The following CEP63 variants were observed in gnomAD, a reference collection of about 807,000 sequenced individuals.
CEP63 encodes centrosomal protein of 63 kDa.
In CEP63, 84 loss-of-function variants were observed where a neutral mutation model predicts 89.1. The ratio of observed to expected loss-of-function variants is 0.94; its 90% CI spans 0.79 to 1.13. The LOEUF (loss-of-function observed/expected upper bound fraction) is 1.13, where lower values mean the gene tolerates loss of function less well. CEP63 is among the 50% of genes most tolerant of loss of function. The pLI is 0.00. For missense variants in CEP63, 838 were observed against 813.3 expected, an observed-to-expected ratio of 1.03 and a Z score of -0.37; for synonymous variants, 267 against 272.5, an observed-to-expected ratio of 0.98 and a Z score of 0.20.
chr3:134,508,760 A>G (rs909649040), intron 3 of CEP63, among the ~76,000 whole-genome samples: 1 of 152,206 alleles, frequency 6.6e-6, no homozygotes, highest in Non-Finnish European at 1.5e-5. Context: ...GATAGATTCC[A>G]TGGTAAGGAT....
At chr3:134,729,980 G>A in the CEP63 span, among the ~76,000 whole-genome samples, 4 of 152,150 alleles carry the variant, frequency 2.6e-5, no homozygotes, top group East Asian at 7.7e-4. Context: ...GGAATGATGA[G>A]CTGGGTGTCT....
intron 3 of CEP63, chr3:134,511,481 A>G (rs181645253): frequency 6.5e-6 from 1 of 152,808 alleles, no homozygotes; most frequent in East Asian, 1.9e-4. Context: ...TTTGAGCAGT[A>G]TATGAAATAA....
chr3:134,765,108 G>A, the CEP63 span, among the ~76,000 whole-genome samples: 82 of 152,240 alleles, frequency 5.4e-4, 1 homozygote, highest in South Asian at 0.015. Flanking sequence ...CTGATAATTT[G>A]CATTCCTAAG....
chr3:134,569,040 A>C (rs992991024), downstream of CEP63, among the ~76,000 whole-genome samples: 2 of 152,158 alleles, frequency 1.3e-5, no homozygotes, highest in African/African-American at 4.8e-5. Flanking sequence ...AAACCATCAG[A>C]TCTTGCGAGA....
Position 134,486,136 on chromosome 3 carries a change from A to C in CEP63, c.-92A>C. 2.0e-6 allele frequency: 2 copies of C among 985,622 alleles called. No homozygotes were observed. Among genetic ancestry groups the C allele is most frequent in the South Asian group, 4.7e-5 (1 of 21,296 alleles). The allele number at this position is 985,622 out of a possible 1,614,324, so 61.1% of individuals were successfully genotyped here. Reference sequence around the variant, plus strand: ...AAAGTGTGGGGGCAGTGGGCGGAACAAACGCGCCGACTACAGAGGCTGGAC... The same window carrying C: ...AAAGTGTGGGGGCAGTGGGCGGAACCAACGCGCCGACTACAGAGGCTGGAC... On this transcript the variant is annotated 5_prime_UTR_variant, in exon 1 of 15. Coordinates refer to ENST00000675561, the MANE Select transcript of CEP63 (RefSeq NM_001353108.3).
In CEP63 at chr3:134,558,141, G is replaced by A; in HGVS notation, c.1468-1G>A. On this transcript the variant is annotated splice_acceptor_variant, in intron 12 of 14. Coordinates refer to ENST00000675561, the MANE Select transcript of CEP63 (RefSeq NM_001353108.3). LOFTEE classifies it high-confidence loss of function. Reference sequence around the variant, plus strand: ...GTGACTCTAGTATTCTTTTTTATTAGGCAAAAGAGATTTCACTAGCAGACC... The same window carrying A: ...GTGACTCTAGTATTCTTTTTTATTAAGCAAAAGAGATTTCACTAGCAGACC... The A allele has an allele frequency of 1.2e-6, 2 of 1,609,252 alleles. No homozygotes were observed. The highest frequency in any genetic ancestry group is 1.7e-6 in the Non-Finnish European group (2 of 1,175,970).
the CEP63 span, among the ~76,000 whole-genome samples, chr3:134,633,379 A>T: frequency 1.3e-3 from 197 of 152,218 alleles, 1 homozygote; most frequent in African/African-American, 4.4e-3. Flanking sequence ...TAAATCCAAC[A>T]ATATAGTAAA....
At chr3:134,707,607 G>A in the CEP63 span, among the ~76,000 whole-genome samples, 1 of 152,150 alleles carries the variant, frequency 6.6e-6, no homozygotes, top group Admixed American at 6.5e-5. Context: ...AGTAGAGTTT[G>A]CAACAGCTGT....
chr3:134,502,283 G>GT (rs148620051), intron 2 of CEP63, among the ~76,000 whole-genome samples: 31,963 of 151,092 alleles, frequency 0.21, 3,785 homozygotes, highest in African/African-American at 0.32. Context: ...TTGGTCTGTA[G>GT]TTTTTTTTTG....
chr3:134,731,628 A>G, the CEP63 span, among the ~76,000 whole-genome samples: 1 of 152,138 alleles, frequency 6.6e-6, no homozygotes, highest in African/African-American at 2.4e-5. Context: ...CTCATCTCCA[A>G]AATCAGTGAT....
intron 1 of CEP63, chr3:134,486,477 C>G (rs867285281): frequency 3.0e-6 from 3 of 985,634 alleles, no homozygotes; most frequent in African/African-American, 1.7e-5. Flanking sequence ...TGGCGCAGCC[C>G]GGCGTGGGGT....
intron 4 of CEP63, among the ~76,000 whole-genome samples, chr3:134,532,222 C>T (rs919445408): frequency 2.0e-5 from 3 of 152,006 alleles, no homozygotes; most frequent in Non-Finnish European, 4.4e-5. Flanking sequence ...ATACTTGATA[C>T]CAAAAATTAC....
At chr3:134,742,493 G>A in the CEP63 span, among the ~76,000 whole-genome samples, 1 of 152,126 alleles carries the variant, frequency 6.6e-6, no homozygotes, top group South Asian at 2.1e-4. Flanking sequence ...AGAAAATACT[G>A]CAGGCCAGTT....
the CEP63 span, among the ~76,000 whole-genome samples, chr3:134,749,704 T>TAAAAA: frequency 7.6e-4 from 2 of 2,624 alleles, no homozygotes; most frequent in Non-Finnish European, 2.3e-3. Flanking sequence ...CAGGGGTTGT[T>TAAAAA]CAAAAAAAAA....
chr3:134,708,707 A>G, the CEP63 span, among the ~76,000 whole-genome samples: 1 of 152,214 alleles, frequency 6.6e-6, no homozygotes, highest in Non-Finnish European at 1.5e-5. Context: ...TATGGGGAGA[A>G]GCACATGCCT....
At chr3:134,495,407 T>C in intron 2 of CEP63, 43 bp downstream of exon 2, 1 of 1,227,688 alleles carries the variant, frequency 8.1e-7, no homozygotes, top group Non-Finnish European at 1.2e-6. Context: ...GGTTAATACA[T>C]GATTACATAT....
At chr3:134,732,557 A>AT in the CEP63 span, among the ~76,000 whole-genome samples, 210 of 152,206 alleles carry the variant, frequency 1.4e-3, 1 homozygote, top group Admixed American at 2.3e-3. Context: ...TTTGAATGAA[A>AT]TTTTTTTTAA....
chr3:134,626,814 G>A, the CEP63 span, among the ~76,000 whole-genome samples: 4 of 152,232 alleles, frequency 2.6e-5, no homozygotes, highest in Admixed American at 2.6e-4. Context: ...CCGCTGTGCT[G>A]TGTGGTCCAA....
chr3:134,710,319 A>C, the CEP63 span, among the ~76,000 whole-genome samples: 1 of 152,174 alleles, frequency 6.6e-6, no homozygotes, highest in Non-Finnish European at 1.5e-5. Flanking sequence ...CAAAAGCTCC[A>C]GTAGTGTCAT....
Sources: gnomAD v4.1 joint callset for allele counts (sites outside exome capture counted in the v4.1 genomes callset) on GRCh38, gnomAD v4.1.1 for gene constraint, MANE v1.5 for transcripts, NCBI Gene and HGNC (gene_info 2026-07-23, HGNC 2026-07-21) for gene names.